ZNF492: variants seen among roughly 807,000 people sequenced by gnomAD.
ZNF492 encodes zinc finger protein 492.
Under a neutral mutation model 6.4 loss-of-function variants are expected in ZNF492, and 3 were observed. That is an observed-to-expected ratio of 0.47 (90% CI 0.21 to 1.22). ZNF492 has a LOEUF of 1.22. Ranked by LOEUF, ZNF492 falls within the 50% of genes most tolerant of loss-of-function variation. ZNF492 has a pLI of 0.22. For missense variants in ZNF492, 356 were observed against 612.5 expected (o/e 0.58, Z 4.42); for synonymous variants, 112 against 205.3 (o/e 0.55, Z 3.89).
At chr19:22,656,674 T>G (rs12976699) in intron 3 of ZNF492, among the ~76,000 whole-genome samples, 29,093 of 151,822 alleles carry the variant, frequency 0.19, 3,676 homozygotes, top group African/African-American at 0.36. Context: ...ATGATTGCAG[T>G]GTAAGTTCAG....
intron 1 of ZNF492, among the ~76,000 whole-genome samples, chr19:22,639,207 A>G (rs745927170): frequency 1.3e-5 from 2 of 152,112 alleles, no homozygotes; most frequent in East Asian, 3.9e-4. Context: ...TCTGACTTCA[A>G]GCAGTGTTTT....
In ZNF492 at chr19:22,664,280, A is replaced by C. The variant is rs1164079261; in HGVS notation, c.611A>C (p.Lys204Thr). The C allele has an allele frequency of 1.3e-6, 2 of 1,587,640 alleles. No individual in the cohort carries two copies. Among genetic ancestry groups the C allele is most frequent in the African/African-American group, 1.4e-5 (1 of 73,698 alleles). ...KKPYKCEECG[K>T]AFNRLSHLTT... ...CCCTACAAATGCGAAGAGTGTGGAA[A>C]AGCCTTTAACCGGCTCTCACACCTT... is the stretch of plus-strand genomic sequence containing the variant. Residue 204 changes from lysine (K) to threonine (T), a missense_variant, in exon 4 of 4, where the codon AAA (lysine) becomes ACA (threonine). By Grantham distance (78) the Lys-to-Thr change is moderately conservative. Coordinates refer to ENST00000456783, the MANE Select transcript of ZNF492 (RefSeq NM_020855.3).
chr19:22,635,198 A>T (rs936540467), intron 1 of ZNF492, among the ~76,000 whole-genome samples: 2 of 151,944 alleles, frequency 1.3e-5, no homozygotes, highest in African/African-American at 2.4e-5. Flanking sequence ...TTGATTTTTT[A>T]AAATTAGGAA....
intron 3 of ZNF492, among the ~76,000 whole-genome samples, chr19:22,658,750 C>T (rs1026567570): frequency 2.8e-5 from 4 of 143,172 alleles, no homozygotes; most frequent in Non-Finnish European, 6.0e-5. Flanking sequence ...ATTTGCCTTG[C>T]TTTTACCTAC....
At chr19:22,646,861 T>G (rs1971882367) in intron 1 of ZNF492, among the ~76,000 whole-genome samples, 1 of 152,218 alleles carries the variant, frequency 6.6e-6, no homozygotes, top group Non-Finnish European at 1.5e-5. Context: ...ATCCCAGGGA[T>G]GAAGCCGACT....
rs557567483 is a variant in ZNF492 at position 22,658,736 on chromosome 19, C to T, written c.130+4721C>T. On this transcript the variant is annotated intron_variant, in intron 3 of 3. Coordinates refer to ENST00000456783, the MANE Select transcript of ZNF492 (RefSeq NM_020855.3). ...TATATCTGCTGAACGATTTGGTGAC[C>T]GAAATTTGCCTTGCTTTTACCTACT... Among the ~76,000 whole-genome samples the T allele has an allele frequency of 6.0e-3, 857 of 142,466 alleles. 36 individuals are homozygous for T. The highest frequency in any genetic ancestry group is 0.02 in the African/African-American group (713 of 35,004). 93.5% of individuals were successfully genotyped at this position (142,466 alleles called of 152,430 possible).
intron 1 of ZNF492, among the ~76,000 whole-genome samples, chr19:22,647,587 A>C (rs1303783546): frequency 6.8e-6 from 1 of 146,564 alleles, no homozygotes; most frequent in African/African-American, 2.6e-5. Flanking sequence ...TTTTTCAAAA[A>C]ACAGCTCCTG....
At chr19:22,639,222 G>C (rs1441764868) in intron 1 of ZNF492, among the ~76,000 whole-genome samples, 2 of 152,168 alleles carry the variant, frequency 1.3e-5, no homozygotes, top group East Asian at 3.9e-4. Flanking sequence ...TGTTTTCACA[G>C]TGTTGTCATA....
In ZNF492 at chr19:22,651,646, T is replaced by G. The variant is rs115262905; in HGVS notation, c.-93-1661T>G. Among the ~76,000 whole-genome samples, 620 of 152,212 alleles carry G rather than the reference T, an allele frequency of 4.1e-3. 6 individuals carry two copies. Among genetic ancestry groups the G allele is most frequent in the African/African-American group, 0.014 (576 of 41,496 alleles). ...ACCATGAATTTATGAACTGCAATATTAAGAATGTTTCCTTCGTGGCTATGG... is the reference window on the plus strand; with the variant it reads ...ACCATGAATTTATGAACTGCAATATGAAGAATGTTTCCTTCGTGGCTATGG... On this transcript the variant is annotated intron_variant, in intron 1 of 3. Transcript: ENST00000456783.
chr19:22,653,342 C>T lies in ZNF492; in HGVS notation c.-58C>T. ...CATTTAGGGATGTGGCCATAGAATT[C>T]TCTCTGGAGGAGTGGCAATGCCTGG... On this transcript the variant is annotated 5_prime_UTR_variant, in exon 2 of 4. Coordinates refer to ENST00000456783, the MANE Select transcript of ZNF492 (RefSeq NM_020855.3). 1 of 1,613,610 alleles carries T rather than the reference C, an allele frequency of 6.2e-7. No homozygotes were observed. The highest frequency in any genetic ancestry group is 8.5e-7 in the Non-Finnish European group (1 of 1,179,866).
chr19:22,639,180 C>T (rs1257838268), intron 1 of ZNF492, among the ~76,000 whole-genome samples: 1 of 152,000 alleles, frequency 6.6e-6, no homozygotes, highest in Non-Finnish European at 1.5e-5. Flanking sequence ...AATGGTTTTC[C>T]ATTTGTTTGT....
At chr19:22,653,598 C>T (rs1442561573) in intron 2 of ZNF492, among the ~76,000 whole-genome samples, 165 bp downstream of exon 2, 1 of 151,708 alleles carries the variant, frequency 6.6e-6, no homozygotes, top group Non-Finnish European at 1.5e-5. Context: ...TCATTTTGAC[C>T]TGAACTTTCC....
chr19:22,654,636 C>CT, intron 3 of ZNF492, among the ~76,000 whole-genome samples: 1 of 146,936 alleles, frequency 6.8e-6, no homozygotes, highest in Non-Finnish European at 1.5e-5. Context: ...GAGTCTCGCT[C>CT]TGTCACCCAG....
In ZNF492 at chr19:22,663,029, T is replaced by C. The variant is rs544480488; in HGVS notation, c.131-771T>C. On this transcript the variant is annotated intron_variant, in intron 3 of 3. Coordinates refer to ENST00000456783, the MANE Select transcript of ZNF492 (RefSeq NM_020855.3). ...TTGCCCATACCTATGTCCTGAATGG[T>C]ATTGCCTAGGTTTTCCTCTAGGGTT... Among the ~76,000 whole-genome samples the C allele has an allele frequency of 3.3e-3, 503 of 152,304 alleles. 4 individuals are homozygous for C. Among genetic ancestry groups the C allele is most frequent in the African/African-American group, 0.011 (476 of 41,562 alleles).
chr19:22,649,176 T>G (rs1051325155), intron 1 of ZNF492, among the ~76,000 whole-genome samples: 12 of 152,200 alleles, frequency 7.9e-5, no homozygotes, highest in Admixed American at 3.3e-4. Context: ...TTATTTCTTT[T>G]TCTACTCATG....
chr19:22,653,470 C>T, intron 2 of ZNF492, 37 bp downstream of exon 2: 1 of 1,586,702 alleles, frequency 6.3e-7, no homozygotes, highest in African/African-American at 1.4e-5. Context: ...CCTAATATAC[C>T]CTATAAATTT....
intron 1 of ZNF492, among the ~76,000 whole-genome samples, chr19:22,648,934 T>G (rs1418077049): frequency 1.3e-5 from 2 of 152,196 alleles, no homozygotes; most frequent in African/African-American, 4.8e-5. Context: ...CCATTTACAT[T>G]TAAGGTTAGT....
intron 2 of ZNF492, among the ~76,000 whole-genome samples, chr19:22,653,688 C>T (rs1236384242): frequency 6.6e-6 from 1 of 151,844 alleles, no homozygotes; most frequent in African/African-American, 2.4e-5. Flanking sequence ...TACTGTTGCC[C>T]ACATCTTAAA....
intron 3 of ZNF492, among the ~76,000 whole-genome samples, chr19:22,659,826 C>A (rs545390402): frequency 6.6e-6 from 1 of 151,628 alleles, no homozygotes; most frequent in Non-Finnish European, 1.5e-5. Flanking sequence ...CCACCATGCC[C>A]GGCTAATTTT....
Sources: allele counts gnomAD v4.1 joint callset (sites outside exome capture counted in the v4.1 genomes callset), GRCh38; gene constraint gnomAD v4.1.1; transcripts MANE v1.5; gene names NCBI Gene and HGNC (gene_info 2026-07-23, HGNC 2026-07-21).